The following PIP4P2 variants were observed in gnomAD, a reference collection of about 807,000 sequenced individuals.
The protein encoded by PIP4P2 is type 2 phosphatidylinositol 4,5-bisphosphate 4-phosphatase.
Under a neutral mutation model 33.3 loss-of-function variants are expected in PIP4P2, and 19 were observed. The observed-to-expected ratio is 0.57, with a 90% CI of 0.40 to 0.84. The LOEUF (loss-of-function observed/expected upper bound fraction) is 0.84. Among genes scored for constraint, PIP4P2 ranks in the 40% least tolerant of loss-of-function variants. PIP4P2 has a pLI of 0.00. For synonymous variants in PIP4P2, 110 were observed against 111.9 expected (o/e 0.98, Z 0.11); for missense variants, 270 against 324.7 (o/e 0.83, Z 1.29).
At chr8:90,997,197 CCCAATAT>C (rs1441644110) in intron 5 of PIP4P2, among the ~76,000 whole-genome samples, 1 of 151,900 alleles carries the variant, frequency 6.6e-6, no homozygotes, top group African/African-American at 2.4e-5. Flanking sequence ...TACCTATAAT[CCCAATAT>C]CATAAAATAG....
chr8:91,039,150 G>A lies in PIP4P2; in HGVS notation c.106+1494C>T, dbSNP rs752612360. On this transcript the variant is annotated intron_variant, in intron 1 of 6. Transcript: ENST00000285419. ...AACCGCCAAACATTTTGCCATAAAA[G>A]GCTGACTTGATGAAGTTGAAACATT... 5.3e-5 allele frequency among the ~76,000 whole-genome samples: 8 copies of A among 152,150 alleles called. 1 individual carries two copies. Among genetic ancestry groups the A allele is most frequent in the Non-Finnish European group, 8.8e-5 (6 of 68,014 alleles).
intron 1 of PIP4P2, among the ~76,000 whole-genome samples, chr8:91,039,891 G>GA (rs528195484): frequency 2.6e-5 from 4 of 151,930 alleles, no homozygotes; most frequent in Admixed American, 1.3e-4. Flanking sequence ...TTCTTCTTGA[G>GA]AAAAAAATAG....
At chr8:91,015,336 A>G (rs977804276) in intron 4 of PIP4P2, among the ~76,000 whole-genome samples, 3 of 152,116 alleles carry the variant, frequency 2.0e-5, no homozygotes, top group African/African-American at 7.2e-5. Flanking sequence ...GAAGAGTGGA[A>G]GGAGGGGGAG....
chr8:91,001,470 A>G (rs924884190), intron 5 of PIP4P2, among the ~76,000 whole-genome samples: 1 of 151,982 alleles, frequency 6.6e-6, no homozygotes, highest in Non-Finnish European at 1.5e-5. Context: ...TGTTACATAA[A>G]TGAAATCTTA....
intron 6 of PIP4P2, 74 bp from the exon 7 acceptor site, chr8:90,995,894 CT>C: frequency 6.9e-7 from 1 of 1,450,142 alleles, no homozygotes; most frequent in Non-Finnish European, 9.1e-7. Context: ...CTTGTATCAG[CT>C]TACATGTGAT....
At chr8:91,035,506 T>C (rs1812221805) in intron 1 of PIP4P2, among the ~76,000 whole-genome samples, 2 of 152,164 alleles carry the variant, frequency 1.3e-5, no homozygotes, top group Admixed American at 6.5e-5. Context: ...ATTTTCTTGC[T>C]CTTGACTCTG....
chr8:91,011,354 C>T (rs1283367962), intron 4 of PIP4P2, among the ~76,000 whole-genome samples: 1 of 152,016 alleles, frequency 6.6e-6, no homozygotes, highest in African/African-American at 2.4e-5. Flanking sequence ...GTAAACTCTG[C>T]TGTTCAGTTG....
intron 5 of PIP4P2, among the ~76,000 whole-genome samples, chr8:91,003,400 A>G (rs1811725606): frequency 6.6e-6 from 1 of 152,222 alleles, no homozygotes; most frequent in South Asian, 2.1e-4. Context: ...TTGATAGGAT[A>G]TTACCATTTA....
At chr8:91,009,353 T>G (rs886602164) in intron 4 of PIP4P2, among the ~76,000 whole-genome samples, 3 of 152,070 alleles carry the variant, frequency 2.0e-5, no homozygotes, top group Non-Finnish European at 2.9e-5. Flanking sequence ...GTAATAAATG[T>G]GCTACCTTCC....
chr8:91,023,825 C>T (rs1563567321), intron 1 of PIP4P2, among the ~76,000 whole-genome samples: 1 of 152,028 alleles, frequency 6.6e-6, no homozygotes, highest in South Asian at 2.1e-4. Context: ...CAGCGAGTCA[C>T]TAAAATTTAT....
chr8:91,018,546 C>G, intron 3 of PIP4P2, 33 bp from the exon 4 acceptor site: 1 of 1,613,158 alleles, frequency 6.2e-7, no homozygotes, highest in Non-Finnish European at 8.5e-7. Flanking sequence ...ACTTCACTAT[C>G]CCACAAATGG....
At position 91,021,350 on chromosome 8, in the gene PIP4P2, G is replaced by A. The variant is rs1338877144; in HGVS notation, c.161C>T (p.Pro54Leu). ...AIASPDASGIPVINCRVCQSL... is the reference protein window; with the variant it reads ...AIASPDASGILVINCRVCQSL... ...TTGGCACACACGGCAGTTTATTACT[G>A]GAATACCACTGGCGTCTGGACTGGC... The change falls in exon 2 of 7, where the codon CCA (proline) becomes CTA (leucine). Residue 54 changes from proline (P) to leucine (L), a missense_variant. Transcript: ENST00000285419. 6.2e-7 allele frequency: 1 copy of A among 1,613,840 alleles called. No individual in the cohort carries two copies. The highest frequency in any genetic ancestry group is 2.2e-5 in the East Asian group (1 of 44,862).
chr8:91,020,028 A>G (rs1811983706), intron 3 of PIP4P2, 129 bp downstream of exon 3: 1 of 819,810 alleles, frequency 1.2e-6, no homozygotes, highest in East Asian at 2.7e-5. Flanking sequence ...CAAAAAAATA[A>G]TCTAGATTCT....
chr8:91,018,261 A>G (rs1811947652), intron 4 of PIP4P2, 129 bp downstream of exon 4: 1 of 1,423,662 alleles, frequency 7.0e-7, no homozygotes, highest in African/African-American at 1.4e-5. Context: ...TTGTCTGCCT[A>G]AATAAGTCTC....
At chr8:91,014,477 T>C (rs915625336) in intron 4 of PIP4P2, among the ~76,000 whole-genome samples, 5 of 152,094 alleles carry the variant, frequency 3.3e-5, no homozygotes, top group Non-Finnish European at 7.4e-5. Context: ...TTATGTTAAG[T>C]GAAATAAGCC....
At chr8:91,028,826 C>T (rs569115545) in intron 1 of PIP4P2, among the ~76,000 whole-genome samples, 1 of 152,124 alleles carries the variant, frequency 6.6e-6, no homozygotes, top group East Asian at 1.9e-4. Context: ...TGCTTCATAA[C>T]TGAAGTGATG....
chr8:91,020,789 T>C (rs1199031487), intron 2 of PIP4P2, among the ~76,000 whole-genome samples: 1 of 152,196 alleles, frequency 6.6e-6, no homozygotes, highest in Non-Finnish European at 1.5e-5. Context: ...GCACAGATGC[T>C]AATAATAAAT....
intron 1 of PIP4P2, among the ~76,000 whole-genome samples, chr8:91,025,200 T>A (rs566315691): frequency 6.6e-6 from 1 of 151,792 alleles, no homozygotes; most frequent in Admixed American, 6.6e-5. Flanking sequence ...TGGGGGGGAA[T>A]TAGAATATAT....
intron 5 of PIP4P2, among the ~76,000 whole-genome samples, chr8:91,001,399 C>CTG (rs141942082): frequency 0.016 from 2,470 of 152,152 alleles, 74 homozygotes; most frequent in African/African-American, 0.056. Context: ...ATCCCGCACC[C>CTG]TGTGCCTGCC....
Sources: allele counts gnomAD v4.1 joint callset (sites outside exome capture counted in the v4.1 genomes callset), GRCh38; gene constraint gnomAD v4.1.1; transcripts MANE v1.5; gene names NCBI Gene and HGNC (gene_info 2026-07-23, HGNC 2026-07-21).